Variants in PLEKHA2 observed in about 807,000 individuals in gnomAD.
PLEKHA2 encodes pleckstrin homology domain containing A2, also known as pleckstrin homology domain-containing family A member 2.
PLEKHA2 carries 28 observed loss-of-function variants against 53.2 expected under a neutral mutation model. The ratio of observed to expected loss-of-function variants is 0.53; its 90% confidence interval spans 0.39 to 0.72. The LOEUF is 0.72. PLEKHA2 is among the 30% of genes least tolerant of loss of function. PLEKHA2 has a pLI of 0.00. For synonymous variants in PLEKHA2, 193 were observed against 196.4 expected (o/e 0.98, Z 0.14); for missense variants, 426 against 537.9 (o/e 0.79, Z 2.06).
At chr8:38,966,000 T>G (rs1835127748) in intron 10 of PLEKHA2, among the ~76,000 whole-genome samples, 1 of 152,094 alleles carries the variant, frequency 6.6e-6, no homozygotes, top group African/African-American at 2.4e-5. Context: ...GGACAAAGGA[T>G]GGGTTTGTCT....
chr8:38,950,798 A>G (rs2129422115), intron 5 of PLEKHA2, 52 bp from the exon 6 acceptor site: 1 of 1,578,796 alleles, frequency 6.3e-7, no homozygotes, highest in Non-Finnish European at 8.6e-7. Flanking sequence ...TGGGCTCCCC[A>G]TGTTTCCTAA....
At chr8:38,923,742 G>A (rs1179648401) in intron 2 of PLEKHA2, among the ~76,000 whole-genome samples, 1 of 152,166 alleles carries the variant, frequency 6.6e-6, no homozygotes, top group Non-Finnish European at 1.5e-5. Context: ...CCTTCATAGA[G>A]GAGGTGTCAC....
At chr8:38,921,894 C>T (rs1201687838) in intron 2 of PLEKHA2, among the ~76,000 whole-genome samples, 1 of 152,190 alleles carries the variant, frequency 6.6e-6, no homozygotes, top group Non-Finnish European at 1.5e-5. Flanking sequence ...AACAGCCAAA[C>T]GGCCACTCCA....
intron 1 of PLEKHA2, among the ~76,000 whole-genome samples, chr8:38,908,405 A>G (rs1385987691): frequency 6.6e-6 from 1 of 152,252 alleles, no homozygotes; most frequent in Non-Finnish European, 1.5e-5. Flanking sequence ...AAAACACCAA[A>G]AAGTTCCAAG....
At chr8:38,969,360 A>T (rs777276346) in intron 11 of PLEKHA2, 61 bp from the exon 12 acceptor site, 16 of 1,561,636 alleles carry the variant, frequency 1.0e-5, no homozygotes, top group Non-Finnish European at 1.4e-5. Context: ...GGACTCTGTG[A>T]TAAACATTGT....
chr8:38,911,517 G>T (rs993903889), intron 1 of PLEKHA2, among the ~76,000 whole-genome samples: 2 of 152,132 alleles, frequency 1.3e-5, no homozygotes, highest in Admixed American at 1.3e-4. Flanking sequence ...GTTTACAGGT[G>T]TGAGCCACCG....
chr8:38,957,234 A>T, intron 9 of PLEKHA2, 89 bp from the exon 10 acceptor site: 1 of 1,032,628 alleles, frequency 9.7e-7, no homozygotes, highest in Non-Finnish European at 1.4e-6. Context: ...TTCCTTTTTT[A>T]TGGTAGAGGG....
Position 38,954,447 on chromosome 8 carries a change from C to T in PLEKHA2, c.773+1080C>T, listed in dbSNP as rs560121879. 3.5e-4 allele frequency among the ~76,000 whole-genome samples: 54 copies of T among 152,274 alleles called. No homozygotes were observed. In the South Asian group the frequency reaches 0.011, roughly 32 times the overall value. On this transcript the variant is annotated intron_variant, in intron 9 of 11. Coordinates refer to ENST00000617275, the MANE Select transcript of PLEKHA2 (RefSeq NM_021623.2). ...CTGGAGGGCCCTTGCAGATGTGAGA[C>T]CACCTGGGCACATGGGGGAAGCTTA...
In PLEKHA2 at chr8:38,952,266, G is replaced by T. The variant is rs1445671991; in HGVS notation, c.587G>T (p.Gly196Val). 1 of 1,612,690 alleles carries T rather than the reference G, an allele frequency of 6.2e-7. No individual in the cohort carries two copies. The highest frequency in any genetic ancestry group is 1.3e-5 in the African/African-American group (1 of 74,892). Residue 196 changes from glycine (G) to valine (V), a missense_variant, in exon 7 of 12, where the codon GGG becomes GTG. Coordinates refer to ENST00000617275, the MANE Select transcript of PLEKHA2 (RefSeq NM_021623.2). ...ACGTCAGGCTGCCGTGCTTCCACTGGGCCTCCCCTCATTAAGAGTGGTTAC... is the reference window on the plus strand; with the variant it reads ...ACGTCAGGCTGCCGTGCTTCCACTGTGCCTCCCCTCATTAAGAGTGGTTAC... ...IPTSGCRAST[G>V]PPLIKSGYCV...
Position 38,969,540 on chromosome 8 carries a change from C to A in PLEKHA2, c.1035C>A (p.Cys345Ter). Residue 345 changes from cysteine (C) to a stop codon, truncating the protein, a stop_gained, in exon 12 of 12, where the codon TGC (cysteine) becomes TGA (stop). Coordinates refer to ENST00000617275, the MANE Select transcript of PLEKHA2 (RefSeq NM_021623.2). LOFTEE classifies it high-confidence loss of function. ...CTTTGGAGGAAAAGAAAGCCCTCTGCAAAGCCCCCTCTGTGGCCTCCTCCT... is the reference window on the plus strand; with the variant it reads ...CTTTGGAGGAAAAGAAAGCCCTCTGAAAAGCCCCCTCTGTGGCCTCCTCCT... ...RPPLEEKKAL[C>*]KAPSVASSWQ... The A allele has an allele frequency of 6.2e-7, 1 of 1,612,844 alleles. No individual in the cohort carries two copies. Among genetic ancestry groups the A allele is most frequent in the Non-Finnish European group, 8.5e-7 (1 of 1,179,348 alleles).
intron 1 of PLEKHA2, among the ~76,000 whole-genome samples, chr8:38,912,607 T>C (rs560527260): frequency 1.3e-5 from 2 of 152,160 alleles, no homozygotes; most frequent in Non-Finnish European, 2.9e-5. Context: ...TATGGTGACA[T>C]GGCAGAGGAG....
intron 3 of PLEKHA2, among the ~76,000 whole-genome samples, chr8:38,943,144 AATGAGGCCAGG>A (rs796684102): frequency 3.9e-5 from 6 of 152,206 alleles, no homozygotes; most frequent in African/African-American, 1.4e-4. Context: ...TGCTAGTGTG[AATGAGGCCAGG>A]ATAGGTTTTC....
chr8:38,964,852 C>G (rs1297777735), intron 10 of PLEKHA2, among the ~76,000 whole-genome samples: 1 of 54,958 alleles, frequency 1.8e-5, no homozygotes, highest in South Asian at 8.3e-4. Context: ...TGTTACTTCC[C>G]TTTTTTTTTT....
At chr8:38,904,631 T>C (rs1031098066) in intron 1 of PLEKHA2, among the ~76,000 whole-genome samples, 1 of 152,242 alleles carries the variant, frequency 6.6e-6, no homozygotes, top group Non-Finnish European at 1.5e-5. Flanking sequence ...CTGGACTTTT[T>C]GTTTTAAACC....
chr8:38,936,093 C>T lies in PLEKHA2; in HGVS notation c.198+43C>T, dbSNP rs781525343. ...CTCTGGGAATTCATGCTCTGTAAGTCGATCTGGTTTCTAAGCAAGGGGAAG... is the reference window on the plus strand; with the variant it reads ...CTCTGGGAATTCATGCTCTGTAAGTTGATCTGGTTTCTAAGCAAGGGGAAG... On this transcript the variant is annotated intron_variant, in intron 3 of 11. Transcript: ENST00000617275. The T allele has an allele frequency of 1.7e-5, 27 of 1,589,548 alleles. 1 individual carries two copies. The highest frequency in any genetic ancestry group is 3.3e-5 in the South Asian group (3 of 90,450).
chr8:38,922,963 G>A lies in PLEKHA2; in HGVS notation c.141+4893G>A, dbSNP rs190830413. Among the ~76,000 whole-genome samples the A allele has an allele frequency of 2.6e-4, 39 of 152,258 alleles. No homozygotes were observed. The highest frequency in any genetic ancestry group is 1.9e-3 in the Admixed American group (29 of 15,288). ...TCCCACTGACCTCTGTGCTCAGCCC[G>A]TGCAAGGTCTTGTAGATGATGTGGA... is the stretch of plus-strand genomic sequence containing the variant. On this transcript the variant is annotated intron_variant, in intron 2 of 11. Transcript: ENST00000617275. The surrounding 1 kb of genome is among the most constrained non-coding windows in gnomAD (Gnocchi z 4.0).
At chr8:38,946,395 A>G (rs1834715784) in intron 5 of PLEKHA2, among the ~76,000 whole-genome samples, 174 bp downstream of exon 5, 1 of 152,212 alleles carries the variant, frequency 6.6e-6, no homozygotes, top group South Asian at 2.1e-4. Context: ...CACAAGTTGA[A>G]CTGAGAGTCT....
chr8:38,904,657 A>G lies in PLEKHA2; in HGVS notation c.-24+3212A>G, dbSNP rs1241615219. ...GTTTTAAACCTCCTGGAGAATTTTT[A>G]GAGATGTAAAATGTGGTGTTTCTTG... On this transcript the variant is annotated intron_variant, in intron 1 of 11. Transcript: ENST00000617275. 3.9e-5 allele frequency among the ~76,000 whole-genome samples: 6 copies of G among 152,212 alleles called. No homozygotes were observed. The South Asian group carries it at 1.0e-3, about 26-fold the overall frequency.
intron 9 of PLEKHA2, among the ~76,000 whole-genome samples, chr8:38,955,936 G>A (rs530604116): frequency 1.2e-4 from 18 of 152,156 alleles, no homozygotes; most frequent in South Asian, 2.1e-4. Context: ...TCAGCCTCCC[G>A]AGTAGCTGGG....
Sources: allele counts gnomAD v4.1 joint callset (sites outside exome capture counted in the v4.1 genomes callset), GRCh38; gene constraint gnomAD v4.1.1; non-coding constraint Gnocchi (gnomAD v3.1); transcripts MANE v1.5; gene names NCBI Gene and HGNC (gene_info 2026-07-23, HGNC 2026-07-21).